The following GRIK3 variants were observed in gnomAD, a reference collection of about 807,000 sequenced individuals.
The protein encoded by GRIK3 is glutamate receptor ionotropic, kainate 3.
A neutral mutation model predicts 102.5 loss-of-function variants in GRIK3; 29 were observed. That is an observed-to-expected ratio of 0.28 (90% CI 0.21 to 0.39). GRIK3 has a LOEUF of 0.39. Ranked by LOEUF, GRIK3 falls within the 10% of genes least tolerant of loss-of-function variation. The probability of loss-of-function intolerance (pLI) is 1.00; values close to 1 mark genes in which losing one functional copy is unlikely to be tolerated. For synonymous variants in GRIK3, 511 were observed against 504.9 expected, an observed-to-expected ratio of 1.01 and a Z score of -0.16; for missense variants, 908 against 1,252.4, an observed-to-expected ratio of 0.73 and a Z score of 4.15.
intron 1 of GRIK3, among the ~76,000 whole-genome samples, chr1:36,996,869 T>A (rs1642425945): frequency 6.6e-6 from 1 of 152,176 alleles, no homozygotes; most frequent in South Asian, 2.1e-4. Context: ...CGGGGATGAT[T>A]CCATCTCCCC....
intron 1 of GRIK3, among the ~76,000 whole-genome samples, chr1:36,956,599 A>C (rs471417): frequency 0.51 from 77,739 of 151,890 alleles, 20,951 homozygotes; most frequent in African/African-American, 0.67. Context: ...GAATCCTTGC[A>C]AGGCTTCCAA....
intron 1 of GRIK3, among the ~76,000 whole-genome samples, chr1:36,988,697 T>C (rs1642332021): frequency 6.6e-6 from 1 of 152,254 alleles, no homozygotes; most frequent in South Asian, 2.1e-4. Flanking sequence ...TAAAGTTAAA[T>C]AATTTACCAT....
At chr1:36,994,493 CAT>C (rs572158037) in intron 1 of GRIK3, among the ~76,000 whole-genome samples, 78 of 152,364 alleles carry the variant, frequency 5.1e-4, no homozygotes, top group African/African-American at 1.8e-3. Flanking sequence ...GCATCAATCT[CAT>C]AGGGTTGTTG....
At chr1:36,922,984 C>T (rs541801538) in intron 1 of GRIK3, among the ~76,000 whole-genome samples, 8 of 152,234 alleles carry the variant, frequency 5.3e-5, no homozygotes, top group East Asian at 1.9e-4. Context: ...GGCTGGCCAG[C>T]GGCACCCCCA....
rs57853311 is a variant in GRIK3 at position 36,841,663 on chromosome 1, C to A, written c.1530+73G>T. ...GCCTTTTTCTGCCAGGCTGCCCAGC[C>A]CTGTGGTGCAGACAGTTCTAGGCCA... On this transcript the variant is annotated intron_variant, in intron 10 of 15. Coordinates refer to ENST00000373091, the MANE Select transcript of GRIK3 (RefSeq NM_000831.4). The A allele has an allele frequency of 1.2e-4, 161 of 1,297,090 alleles. No homozygotes were observed. In the African/African-American group the frequency reaches 2.1e-3, roughly 17 times the overall value. The allele number at this position is 1,297,090 out of a possible 1,614,324, so 80.3% of individuals were successfully genotyped here. A position where few individuals can be genotyped will look rare whatever the true frequency, so the allele number is the denominator to read the frequency against.
intron 2 of GRIK3, among the ~76,000 whole-genome samples, chr1:36,889,163 G>C (rs1469779540): frequency 6.6e-6 from 1 of 151,958 alleles, no homozygotes; most frequent in East Asian, 2.0e-4. Flanking sequence ...AAAGTTGAGT[G>C]TTATAAGATG....
Position 36,872,422 on chromosome 1 carries a change from T to C in GRIK3, c.551-53A>G, listed in dbSNP as rs926303710. ...CACGTGTACCACATGTATCCACAGC[T>C]CCAGGCATCCACTTGGACTTGTGTG... On this transcript the variant is annotated intron_variant, in intron 3 of 15. Transcript: ENST00000373091. This position sits in a 1 kb window ranked among gnomAD's most constrained non-coding sequence, Gnocchi z 5.9. 7.2e-7 allele frequency: 1 copy of C among 1,391,310 alleles called. No individual in the cohort carries two copies. Among genetic ancestry groups the C allele is most frequent in the Non-Finnish European group, 9.8e-7 (1 of 1,018,840 alleles). 86.2% of individuals were successfully genotyped at this position (1,391,310 alleles called of 1,614,324 possible). A position where few individuals can be genotyped will look rare whatever the true frequency, so the allele number is the denominator to read the frequency against.
chr1:36,905,197 T>C (rs1641273699), intron 1 of GRIK3, among the ~76,000 whole-genome samples: 1 of 152,090 alleles, frequency 6.6e-6, no homozygotes, highest in Non-Finnish European at 1.5e-5. Flanking sequence ...AATTCCTATA[T>C]CAAGAAAACT....
intron 1 of GRIK3, among the ~76,000 whole-genome samples, chr1:36,976,326 C>T (rs1001312208): frequency 4.6e-5 from 7 of 152,152 alleles, no homozygotes; most frequent in Non-Finnish European, 7.4e-5. Context: ...AGGGCATCTA[C>T]GACTTCTTAC....
chr1:36,805,776 A>C (rs1642491863), intron 14 of GRIK3, among the ~76,000 whole-genome samples: 1 of 151,934 alleles, frequency 6.6e-6, no homozygotes, highest in South Asian at 2.1e-4. Flanking sequence ...GTCTCTACTA[A>C]AAATACAAAA....
chr1:36,871,140 C>A (rs989447674), intron 4 of GRIK3, among the ~76,000 whole-genome samples: 2 of 152,186 alleles, frequency 1.3e-5, no homozygotes, highest in Non-Finnish European at 2.9e-5. Flanking sequence ...TGAACCTCAT[C>A]TACAGAGGAG....
intron 1 of GRIK3, among the ~76,000 whole-genome samples, chr1:37,027,445 G>A (rs1642775415): frequency 1.3e-5 from 2 of 152,094 alleles, no homozygotes; most frequent in Non-Finnish European, 1.5e-5. Flanking sequence ...CTGGGTCAGG[G>A]CCAGGATTTA....
At chr1:36,993,631 GACA>G (rs373464290) in intron 1 of GRIK3, among the ~76,000 whole-genome samples, 49 of 152,344 alleles carry the variant, frequency 3.2e-4, no homozygotes, top group East Asian at 1.7e-3. Flanking sequence ...GGTATATGCA[GACA>G]ACAAGTGTGA....
intron 1 of GRIK3, among the ~76,000 whole-genome samples, chr1:37,028,416 G>C (rs1642785463): frequency 6.6e-6 from 1 of 152,126 alleles, no homozygotes; most frequent in Non-Finnish European, 1.5e-5. Context: ...GGACAATGTG[G>C]GATGTAGTAC....
intron 13 of GRIK3, among the ~76,000 whole-genome samples, chr1:36,810,356 C>A (rs767162713): frequency 2.0e-5 from 3 of 152,182 alleles, no homozygotes; most frequent in Non-Finnish European, 4.4e-5. Context: ...TGTTTCAGGG[C>A]TAGTCACCCA....
chr1:36,804,862 TG>T, intron 15 of GRIK3, 124 bp downstream of exon 15: 1 of 1,259,584 alleles, frequency 7.9e-7, no homozygotes, highest in South Asian at 1.4e-5. Context: ...GCTGGCCGAC[TG>T]GATGCAGGGT....
At chr1:36,889,026 G>T (rs571552649) in intron 2 of GRIK3, among the ~76,000 whole-genome samples, 1 of 152,160 alleles carries the variant, frequency 6.6e-6, no homozygotes, top group South Asian at 2.1e-4. Flanking sequence ...TGCCTCCTGC[G>T]TGCCAGGCCC....
chr1:36,852,040 C>T (rs545193655), intron 8 of GRIK3, among the ~76,000 whole-genome samples: 68 of 152,260 alleles, frequency 4.5e-4, no homozygotes, highest in South Asian at 1.2e-3. Flanking sequence ...GAAGGGTGCT[C>T]TCCATCACTG....
chr1:37,033,624 T>A (rs1363902096), intron 1 of GRIK3, among the ~76,000 whole-genome samples: 2 of 151,958 alleles, frequency 1.3e-5, no homozygotes, highest in African/African-American at 4.8e-5. Flanking sequence ...TTCCCCAGGG[T>A]CCCCACTCTG....
Sources: allele counts gnomAD v4.1 joint callset (sites outside exome capture counted in the v4.1 genomes callset), GRCh38; gene constraint gnomAD v4.1.1; non-coding constraint Gnocchi (gnomAD v3.1); transcripts MANE v1.5; gene names NCBI Gene and HGNC (gene_info 2026-07-23, HGNC 2026-07-21).